ESR2: variants seen among roughly 807,000 people sequenced by gnomAD.
ESR2 encodes estrogen receptor beta.
Under a neutral mutation model 49.6 loss-of-function variants are expected in ESR2, and 36 were observed. That is an observed-to-expected ratio of 0.73 (90% CI 0.56 to 0.96). The LOEUF is 0.96. Ranked by LOEUF, ESR2 falls within the 40% of genes least tolerant of loss-of-function variation. The probability of loss-of-function intolerance (pLI) is 0.00; values close to 1 mark genes in which losing one functional copy is unlikely to be tolerated. For missense variants in ESR2, 714 were observed against 693.0 expected (o/e 1.03, Z -0.34); for synonymous variants, 320 against 266.1 (o/e 1.20, Z -1.97).
chr14:64,303,994 A>G (rs1478264717), intron 1 of ESR2, among the ~76,000 whole-genome samples: 1 of 152,226 alleles, frequency 6.6e-6, no homozygotes, highest in Non-Finnish European at 1.5e-5. Flanking sequence ...ATATATTTAG[A>G]GAGACACACA....
At chr14:64,265,371 G>T (rs2076307928) in intron 4 of ESR2, among the ~76,000 whole-genome samples, 1 of 152,172 alleles carries the variant, frequency 6.6e-6, no homozygotes, top group Non-Finnish European at 1.5e-5. Context: ...CTACCCTACA[G>T]TACAGGAACT....
At chr14:64,257,916 T>C (rs1179177161) in intron 5 of ESR2, among the ~76,000 whole-genome samples, 1 of 152,178 alleles carries the variant, frequency 6.6e-6, no homozygotes, top group East Asian at 1.9e-4. Flanking sequence ...GCACTGTTTC[T>C]GGGTGATTCT....
intron 3 of ESR2, among the ~76,000 whole-genome samples, chr14:64,273,401 G>C (rs972640776): frequency 6.6e-6 from 1 of 152,136 alleles, no homozygotes; most frequent in African/African-American, 2.4e-5. Flanking sequence ...ATAGAGGAAA[G>C]GCTTTCAGTT....
chr14:64,324,445 A>C (rs1480572282), intron 1 of ESR2, among the ~76,000 whole-genome samples: 1 of 152,352 alleles, frequency 6.6e-6, no homozygotes, highest in South Asian at 2.1e-4. Flanking sequence ...TAAAGTTATT[A>C]ATATTAGAAT....
intron 5 of ESR2, among the ~76,000 whole-genome samples, chr14:64,258,282 A>G (rs1322792848): frequency 6.6e-6 from 1 of 152,202 alleles, no homozygotes; most frequent in Non-Finnish European, 1.5e-5. Flanking sequence ...CTAATAACCC[A>G]TGTTGGTCAC....
At chr14:64,294,445 T>TGACCG (rs977929040), upstream of ESR2, 2 of 152,406 alleles carry the variant, frequency 1.3e-5, no homozygotes, top group African/African-American at 4.8e-5. Flanking sequence ...TGAGCCCACG[T>TGACCG]GACCGAGCCA....
intron 7 of ESR2, among the ~76,000 whole-genome samples, chr14:64,247,788 A>G (rs1470028142): frequency 6.6e-6 from 1 of 152,230 alleles, no homozygotes; most frequent in East Asian, 1.9e-4. Flanking sequence ...AAACTTAGAA[A>G]TTCATACAAA....
Position 64,229,137 on chromosome 14 carries a change from T to C in ESR2, c.*4000A>G, listed in dbSNP as rs536682630. On this transcript the variant is annotated 3_prime_UTR_variant, in exon 9 of 9. Coordinates refer to ENST00000341099, the MANE Select transcript of ESR2 (RefSeq NM_001437.3). ...GACAATGGGAATAACAGATTATGCA[T>C]CTTATTTTTCCATCTGTCATTGCTG... is the stretch of plus-strand genomic sequence containing the variant. Among the ~76,000 whole-genome samples, 3 of 152,210 alleles carry C rather than the reference T, an allele frequency of 2.0e-5. No individual in the cohort carries two copies. Among genetic ancestry groups the C allele is most frequent in the African/African-American group, 7.2e-5 (3 of 41,524 alleles).
chr14:64,276,915 G>C (rs1490713907), intron 3 of ESR2, among the ~76,000 whole-genome samples: 2 of 152,154 alleles, frequency 1.3e-5, no homozygotes, highest in South Asian at 2.1e-4. Flanking sequence ...GAACAAAATG[G>C]ACAAAAATCC....
intron 1 of ESR2, among the ~76,000 whole-genome samples, chr14:64,283,469 C>T (rs1349054483): frequency 3.3e-5 from 5 of 152,052 alleles, no homozygotes; most frequent in African/African-American, 7.2e-5. Context: ...TATTAAAATA[C>T]GCTATGAGGC....
chr14:64,273,701 AT>A (rs2076495989), intron 3 of ESR2, among the ~76,000 whole-genome samples: 1 of 152,000 alleles, frequency 6.6e-6, no homozygotes, highest in Non-Finnish European at 1.5e-5. Flanking sequence ...TTTGGTTTGT[AT>A]TTTATTGAGG....
At position 64,279,973 on chromosome 14, in the gene ESR2, T is replaced by C; in HGVS notation, c.535+8A>G. 1 of 1,609,962 alleles carries C rather than the reference T, an allele frequency of 6.2e-7. No individual in the cohort carries two copies. The highest frequency in any genetic ancestry group is 8.5e-7 in the Non-Finnish European group (1 of 1,176,682). ...AAACTAAAGAAGCAGTTAACAATTCTCTTGTACCTTGAATGCTTCTTTTAA... is the reference window on the plus strand; with the variant it reads ...AAACTAAAGAAGCAGTTAACAATTCCCTTGTACCTTGAATGCTTCTTTTAA... On this transcript the variant is annotated splice_region_variant and intron_variant, in intron 3 of 8. Coordinates refer to ENST00000341099, the MANE Select transcript of ESR2 (RefSeq NM_001437.3).
Position 64,233,080 on chromosome 14 carries a change from T to C in ESR2, c.*57A>G, listed in dbSNP as rs111531403. 6.6e-4 allele frequency: 1,041 copies of C among 1,574,634 alleles called. 4 individuals are homozygous for C. The African/African-American group carries it at 0.013, about 19-fold the overall frequency. On this transcript the variant is annotated 3_prime_UTR_variant, in exon 9 of 9. Transcript: ENST00000341099. The stretch of plus-strand genomic sequence containing the variant: ...GATGAAGCCCAGGCTCCTGACACAC[T>C]GGAGTTCACGCTTCAGCCTGTGACC...
chr14:64,305,104 C>T (rs1178530913), intron 1 of ESR2, among the ~76,000 whole-genome samples: 2 of 151,342 alleles, frequency 1.3e-5, no homozygotes, highest in African/African-American at 4.9e-5. Context: ...ACCTGGCTAA[C>T]ACGGTGAAAC....
chr14:64,242,613 A>G (rs886686036), intron 7 of ESR2, among the ~76,000 whole-genome samples: 2 of 152,084 alleles, frequency 1.3e-5, no homozygotes, highest in Non-Finnish European at 2.9e-5. Context: ...GTTACCAAAA[A>G]AAAAAAAATT....
chr14:64,306,131 C>A (rs2077094355), intron 1 of ESR2, among the ~76,000 whole-genome samples: 1 of 151,590 alleles, frequency 6.6e-6, no homozygotes, highest in South Asian at 2.1e-4. Flanking sequence ...ATCACTTGAA[C>A]CCGGGAGGCA....
chr14:64,332,618 G>A (rs918805979), intron 1 of ESR2, among the ~76,000 whole-genome samples: 6 of 151,790 alleles, frequency 4.0e-5, no homozygotes, highest in Non-Finnish European at 8.8e-5. Flanking sequence ...GGCTAACACG[G>A]TGAAACCCCG....
chr14:64,265,844 G>A (rs569507568), intron 4 of ESR2, among the ~76,000 whole-genome samples: 14 of 152,316 alleles, frequency 9.2e-5, no homozygotes, highest in African/African-American at 3.1e-4. Context: ...GCAGGATGGT[G>A]CAGGAGGATC....
intron 7 of ESR2, among the ~76,000 whole-genome samples, chr14:64,247,069 G>C (rs960834695): frequency 1.3e-5 from 2 of 152,162 alleles, no homozygotes; most frequent in Non-Finnish European, 2.9e-5. Context: ...CTCTTGGACA[G>C]TATCCTGTGC....
Sources: allele counts gnomAD v4.1 joint callset (sites outside exome capture counted in the v4.1 genomes callset), GRCh38; gene constraint gnomAD v4.1.1; transcripts MANE v1.5; gene names NCBI Gene and HGNC (gene_info 2026-07-23, HGNC 2026-07-21).